Variants in AP3B1 observed in about 807,000 individuals in gnomAD.
AP3B1 encodes the protein adaptor related protein complex 3 subunit beta 1.
In AP3B1, 61 loss-of-function variants were observed where a neutral mutation model predicts 132.5. The ratio of observed to expected loss-of-function variants is 0.46; its 90% CI spans 0.37 to 0.57. AP3B1 has a LOEUF of 0.57. Ranked by LOEUF, AP3B1 falls within the 20% of genes least tolerant of loss-of-function variation. The probability of loss-of-function intolerance (pLI) is 0.00; values close to 1 mark genes in which losing one functional copy is unlikely to be tolerated. For synonymous variants in AP3B1, 388 were observed against 438.3 expected, an observed-to-expected ratio of 0.89 and a Z score of 1.43; for missense variants, 1,120 against 1,289.4, an observed-to-expected ratio of 0.87 and a Z score of 2.01.
intron 7 of AP3B1, among the ~76,000 whole-genome samples, chr5:78,206,323 C>T (rs1745504370): frequency 6.6e-6 from 1 of 152,010 alleles, no homozygotes; most frequent in African/African-American, 2.4e-5. Flanking sequence ...AGGTGTACTC[C>T]TGAGATAAAA....
intron 25 of AP3B1, 65 bp downstream of exon 25, chr5:78,020,627 C>T: frequency 7.9e-7 from 1 of 1,268,538 alleles, no homozygotes; most frequent in Non-Finnish European, 1.1e-6. Flanking sequence ...ATTTTAGAGA[C>T]TGTACAGGAA....
chr5:78,176,614 G>A (rs1744158486), intron 9 of AP3B1, among the ~76,000 whole-genome samples: 1 of 152,164 alleles, frequency 6.6e-6, no homozygotes. Context: ...TCAAATAGCT[G>A]AAATGAAGGT....
chr5:78,139,265 G>C (rs1247422795), intron 15 of AP3B1, among the ~76,000 whole-genome samples: 1 of 152,110 alleles, frequency 6.6e-6, no homozygotes, highest in East Asian at 1.9e-4. Context: ...TATATTTAGA[G>C]TGGCCAAACC....
intron 1 of AP3B1, among the ~76,000 whole-genome samples, chr5:78,283,633 T>C (rs1749150439): frequency 6.6e-6 from 1 of 152,174 alleles, no homozygotes; most frequent in Non-Finnish European, 1.5e-5. Context: ...CTGTCCTGAA[T>C]ACCTTATCTA....
In AP3B1 at chr5:78,013,993, C is replaced by A. The variant is rs139765497; in HGVS notation, c.3131+1417G>T. Among the ~76,000 whole-genome samples, 942 of 152,232 alleles carry A rather than the reference C, an allele frequency of 6.2e-3. 47 individuals carry two copies. The East Asian group carries it at 0.12, about 19-fold the overall frequency. ...CCTGGCTAACACAGTGAAACCCCGTCTCTACTAAAAATACAAAAAATTAGC... is the reference window on the plus strand; with the variant it reads ...CCTGGCTAACACAGTGAAACCCCGTATCTACTAAAAATACAAAAAATTAGC... On this transcript the variant is annotated intron_variant, in intron 26 of 26. Transcript: ENST00000255194.
intron 22 of AP3B1, among the ~76,000 whole-genome samples, chr5:78,058,995 T>C (rs750574462): frequency 6.6e-6 from 1 of 152,224 alleles, no homozygotes. Flanking sequence ...CCTTCAAAGA[T>C]GTCTAGGTCC....
chr5:78,290,869 G>A lies in AP3B1; in HGVS notation c.128+3583C>T, dbSNP rs545626840. On this transcript the variant is annotated intron_variant, in intron 1 of 26. Transcript: ENST00000255194. ...AAGCCTGAGGTGGGAAGGATCACTT[G>A]AGCCCAGATGGTTGAGGCTGCAGTG... 2.6e-5 allele frequency among the ~76,000 whole-genome samples: 4 copies of A among 152,244 alleles called. No individual in the cohort carries two copies. In the East Asian group the frequency reaches 7.7e-4, roughly 29 times the overall value.
Position 78,156,238 on chromosome 5 carries a change from A to C in AP3B1, c.1473+20T>G. 1 of 1,538,890 alleles carries C rather than the reference A, an allele frequency of 6.5e-7. No homozygotes were observed. The highest frequency in any genetic ancestry group is 2.2e-5 in the East Asian group (1 of 44,454). ...ACTTACTGAATAAAATTCAGCAAAC[A>C]TCTCTTAATTGATACTCACAGTGAT... On this transcript the variant is annotated intron_variant, in intron 14 of 26. Transcript: ENST00000255194.
intron 22 of AP3B1, among the ~76,000 whole-genome samples, chr5:78,083,611 C>T (rs1750106565): frequency 6.6e-6 from 1 of 152,162 alleles, no homozygotes; most frequent in African/African-American, 2.4e-5. Context: ...TCAGATACTA[C>T]AGCAGGAAAT....
At chr5:78,246,469 G>A (rs1747383369) in intron 2 of AP3B1, among the ~76,000 whole-genome samples, 1 of 152,128 alleles carries the variant, frequency 6.6e-6, no homozygotes, top group Non-Finnish European at 1.5e-5. Context: ...AAGAGCTTAT[G>A]TAGAACTGAA....
intron 14 of AP3B1, among the ~76,000 whole-genome samples, chr5:78,152,778 CCTT>C: frequency 6.6e-6 from 1 of 152,036 alleles, no homozygotes; most frequent in African/African-American, 2.4e-5. Flanking sequence ...TTTTCAATGT[CCTT>C]CTTAATTTCT....
chr5:78,193,732 G>GTGTATATATATATATATATATATCTATA (rs1340871803), intron 7 of AP3B1, among the ~76,000 whole-genome samples: 2 of 89,230 alleles, frequency 2.2e-5, no homozygotes, highest in East Asian at 2.5e-4. Context: ...TTAAATATTT[G>GTGTATATATATATATATATATATCTATA]TATATATTTT....
intron 21 of AP3B1, among the ~76,000 whole-genome samples, chr5:78,095,057 C>G (rs1275773506): frequency 6.6e-6 from 1 of 152,164 alleles, no homozygotes; most frequent in Non-Finnish European, 1.5e-5. Context: ...TGATACTGAA[C>G]AGTATTTTGT....
At chr5:78,259,524 T>C (rs1029983912) in intron 2 of AP3B1, among the ~76,000 whole-genome samples, 4 of 152,118 alleles carry the variant, frequency 2.6e-5, no homozygotes, top group Admixed American at 6.5e-5. Flanking sequence ...AAGAGTGTAA[T>C]TGAATTGTTT....
intron 19 of AP3B1, among the ~76,000 whole-genome samples, chr5:78,113,239 T>G (rs551466662): frequency 1.3e-5 from 2 of 152,368 alleles, no homozygotes; most frequent in African/African-American, 4.8e-5. Context: ...CTCAAAATTT[T>G]AATGACACTT....
chr5:78,203,940 T>C (rs1745402048), intron 7 of AP3B1, among the ~76,000 whole-genome samples: 1 of 152,218 alleles, frequency 6.6e-6, no homozygotes, highest in South Asian at 2.1e-4. Context: ...TTGGTTTCTT[T>C]GCATCATTTC....
intron 2 of AP3B1, among the ~76,000 whole-genome samples, chr5:78,242,368 C>T (rs77943713): frequency 0.036 from 5,415 of 152,124 alleles, 166 homozygotes; most frequent in East Asian, 0.13. Context: ...CAGCCATCTC[C>T]TAACACCTGG....
At chr5:78,209,893 C>A (rs1745662694) in intron 7 of AP3B1, among the ~76,000 whole-genome samples, 1 of 151,998 alleles carries the variant, frequency 6.6e-6, no homozygotes, top group South Asian at 2.1e-4. Context: ...AAGAAAACTT[C>A]ATGAGTTAAA....
intron 22 of AP3B1, among the ~76,000 whole-genome samples, chr5:78,056,480 G>C (rs1304275626): frequency 1.3e-5 from 2 of 152,066 alleles, no homozygotes; most frequent in Non-Finnish European, 2.9e-5. Context: ...GATAACGCAG[G>C]GTCCTGAGAT....
Sources: gnomAD v4.1 joint callset for allele counts (sites outside exome capture counted in the v4.1 genomes callset) on GRCh38, gnomAD v4.1.1 for gene constraint, MANE v1.5 for transcripts, NCBI Gene and HGNC (gene_info 2026-07-23, HGNC 2026-07-21) for gene names.